The following KCNIP4 variants were observed in gnomAD, a reference collection of about 807,000 sequenced individuals.
KCNIP4 encodes the protein potassium voltage-gated channel interacting protein 4.
Under a neutral mutation model 34.0 loss-of-function variants are expected in KCNIP4, and 12 were observed. The ratio of observed to expected loss-of-function variants is 0.35; its 90% CI spans 0.23 to 0.57. The LOEUF (loss-of-function observed/expected upper bound fraction) is 0.57. Ranked by LOEUF, KCNIP4 falls within the 20% of genes least tolerant of loss-of-function variation. The pLI is 0.83. For synonymous variants in KCNIP4, 124 were observed against 102.2 expected, an observed-to-expected ratio of 1.21 and a Z score of -1.29; for missense variants, 238 against 311.7, an observed-to-expected ratio of 0.76 and a Z score of 1.78.
intron 1 of KCNIP4, among the ~76,000 whole-genome samples, chr4:21,453,675 C>G (rs1728696004): frequency 6.6e-6 from 1 of 152,058 alleles, no homozygotes; most frequent in African/African-American, 2.4e-5. Context: ...CAAAGAATCC[C>G]CAGAAAGCAG....
intron 3 of KCNIP4, among the ~76,000 whole-genome samples, chr4:20,761,465 T>C (rs953296976): frequency 6.6e-6 from 1 of 152,194 alleles, no homozygotes; most frequent in Non-Finnish European, 1.5e-5. Flanking sequence ...CTAAACACTT[T>C]GCAGTTAGAC....
At chr4:21,867,078 C>T (rs1334121226) in intron 1 of KCNIP4, among the ~76,000 whole-genome samples, 1 of 152,060 alleles carries the variant, frequency 6.6e-6, no homozygotes, top group South Asian at 2.1e-4. Context: ...GCCAGCTCAG[C>T]CTGGAATTCT....
intron 1 of KCNIP4, among the ~76,000 whole-genome samples, chr4:21,470,097 T>C (rs1233178790): frequency 6.6e-6 from 1 of 152,204 alleles, no homozygotes; most frequent in African/African-American, 2.4e-5. Context: ...AAGTGATGTA[T>C]GTTGCTTCCT....
chr4:21,866,334 G>A (rs1349672603), intron 1 of KCNIP4, among the ~76,000 whole-genome samples: 1 of 152,094 alleles, frequency 6.6e-6, no homozygotes, highest in Non-Finnish European at 1.5e-5. Flanking sequence ...GGAGGACCAG[G>A]GTCAAGCTCT....
At chr4:21,407,224 A>C (rs1263978127) in intron 1 of KCNIP4, among the ~76,000 whole-genome samples, 1 of 151,734 alleles carries the variant, frequency 6.6e-6, no homozygotes, top group Non-Finnish European at 1.5e-5. Context: ...CTCTGCCTAG[A>C]GAACTTTCCC....
chr4:21,260,255 A>G (rs923969295), intron 1 of KCNIP4, among the ~76,000 whole-genome samples: 7 of 152,182 alleles, frequency 4.6e-5, no homozygotes, highest in African/African-American at 1.7e-4. Context: ...TAATGTACCA[A>G]TGAATTACGG....
chr4:21,930,937 C>T (rs1729526109), intron 1 of KCNIP4, among the ~76,000 whole-genome samples: 2 of 152,258 alleles, frequency 1.3e-5, no homozygotes, highest in South Asian at 4.1e-4. Flanking sequence ...TGAGAGCCAA[C>T]CATCAGCAGA....
intron 5 of KCNIP4, among the ~76,000 whole-genome samples, chr4:20,741,809 T>C (rs1466603122): frequency 6.6e-6 from 1 of 151,782 alleles, no homozygotes; most frequent in Non-Finnish European, 1.5e-5. Context: ...TCAACAAAAT[T>C]GATAGACTGC....
At chr4:20,965,697 A>T (rs1373724043) in intron 1 of KCNIP4, among the ~76,000 whole-genome samples, 1 of 152,210 alleles carries the variant, frequency 6.6e-6, no homozygotes, top group African/African-American at 2.4e-5. Context: ...TGTATTTGAA[A>T]TATATTAGCT....
intron 1 of KCNIP4, among the ~76,000 whole-genome samples, chr4:21,662,655 T>C (rs1008531745): frequency 6.6e-6 from 1 of 152,250 alleles, no homozygotes; most frequent in Non-Finnish European, 1.5e-5. Flanking sequence ...AAAATGATTG[T>C]AATAGCTTTG....
intron 3 of KCNIP4, among the ~76,000 whole-genome samples, chr4:20,833,271 A>G (rs917626573): frequency 1.3e-5 from 2 of 152,192 alleles, no homozygotes; most frequent in African/African-American, 4.8e-5. Context: ...TAATTTTTCA[A>G]TGATAATTAT....
At position 21,617,505 on chromosome 4, in the gene KCNIP4, C is replaced by G. The variant is rs145449154; in HGVS notation, c.61+331066G>C. On this transcript the variant is annotated intron_variant, in intron 1 of 8. Transcript: ENST00000382152. ...AGCTTTATTCCTAAACCACATGCTA[C>G]CATGATTCCTTTGTGTAATTTTAAG... Among the ~76,000 whole-genome samples the G allele has an allele frequency of 1.9e-3, 284 of 152,242 alleles. 2 individuals are homozygous for G. Among genetic ancestry groups the G allele is most frequent in the African/African-American group, 6.5e-3 (269 of 41,546 alleles).
chr4:21,329,420 T>C (rs1715403387), intron 1 of KCNIP4, among the ~76,000 whole-genome samples: 1 of 152,196 alleles, frequency 6.6e-6, no homozygotes, highest in Non-Finnish European at 1.5e-5. Context: ...TAGATTTTAC[T>C]CTACTAATAT....
intron 1 of KCNIP4, among the ~76,000 whole-genome samples, chr4:21,278,352 C>A (rs1300971391): frequency 6.6e-6 from 1 of 152,076 alleles, no homozygotes; most frequent in Non-Finnish European, 1.5e-5. Flanking sequence ...TCCCTCCTCC[C>A]ACCCTCCACC....
At chr4:21,604,654 G>A (rs893592598) in intron 1 of KCNIP4, among the ~76,000 whole-genome samples, 7 of 152,214 alleles carry the variant, frequency 4.6e-5, no homozygotes, top group African/African-American at 1.4e-4. Flanking sequence ...TTCATAGATT[G>A]TCTATATTTA....
intron 1 of KCNIP4, among the ~76,000 whole-genome samples, chr4:21,685,237 C>T (rs973776080): frequency 2.0e-5 from 3 of 152,052 alleles, no homozygotes; most frequent in Admixed American, 6.6e-5. Context: ...TACACTACAC[C>T]GATTTATAAG....
At chr4:21,070,218 A>G (rs1457532063) in intron 1 of KCNIP4, among the ~76,000 whole-genome samples, 1 of 152,152 alleles carries the variant, frequency 6.6e-6, no homozygotes, top group Non-Finnish European at 1.5e-5. Flanking sequence ...GATGTACCAG[A>G]GTTTGTTTAA....
intron 1 of KCNIP4, among the ~76,000 whole-genome samples, chr4:21,355,679 A>G (rs1718509472): frequency 6.6e-6 from 1 of 152,182 alleles, no homozygotes; most frequent in Non-Finnish European, 1.5e-5. Context: ...CAACCAAGAA[A>G]AAGTCTAGGA....
At chr4:21,186,142 C>T (rs542169341) in intron 1 of KCNIP4, among the ~76,000 whole-genome samples, 2 of 152,164 alleles carry the variant, frequency 1.3e-5, no homozygotes, top group Non-Finnish European at 2.9e-5. Context: ...ATCCCTTTTA[C>T]AAAGATTTAC....
Sources: allele counts gnomAD v4.1 joint callset (sites outside exome capture counted in the v4.1 genomes callset), GRCh38; gene constraint gnomAD v4.1.1; transcripts MANE v1.5; gene names NCBI Gene and HGNC (gene_info 2026-07-23, HGNC 2026-07-21).